The following MBOAT1 variants were observed in gnomAD, a reference collection of about 807,000 sequenced individuals.
MBOAT1 encodes membrane-bound glycerophospholipid O-acyltransferase 1.
In MBOAT1, 67 loss-of-function variants were observed where a neutral mutation model predicts 64.4. The ratio of observed to expected loss-of-function variants is 1.04; its 90% confidence interval spans 0.85 to 1.27. The LOEUF (loss-of-function observed/expected upper bound fraction) is 1.27. MBOAT1 is among the 50% of genes most tolerant of loss of function. The pLI, the probability that MBOAT1 is intolerant of heterozygous loss-of-function variation, is 0.00. For synonymous variants in MBOAT1, 229 were observed against 218.9 expected (o/e 1.05, Z -0.41); for missense variants, 563 against 604.6 (o/e 0.93, Z 0.72).
intron 12 of MBOAT1, 113 bp from the exon 13 acceptor site, chr6:20,102,525 G>A: frequency 1.2e-6 from 1 of 836,030 alleles, no homozygotes; most frequent in East Asian, 2.8e-5. Context: ...TTGGCAGTAG[G>A]AGGCCTGTCT....
chr6:20,113,150 C>A, intron 10 of MBOAT1, 142 bp from the exon 11 acceptor site: 1 of 983,204 alleles, frequency 1.0e-6, no homozygotes, highest in Non-Finnish European at 1.4e-6. Context: ...CGGGGACTTG[C>A]AGTGCAATCC....
intron 1 of MBOAT1, among the ~76,000 whole-genome samples, chr6:20,194,197 A>G (rs1014595496): frequency 5.9e-5 from 9 of 152,234 alleles, no homozygotes; most frequent in Admixed American, 2.0e-4. Flanking sequence ...AATTATTAGA[A>G]TAACACAGAG....
chr6:20,152,956 C>T (rs1168235377), intron 1 of MBOAT1, among the ~76,000 whole-genome samples, 187 bp from the exon 2 acceptor site: 1 of 152,148 alleles, frequency 6.6e-6, no homozygotes, highest in Non-Finnish European at 1.5e-5. Context: ...CCTCAGCCTC[C>T]GAAGTAGCTG....
At chr6:20,109,782 G>A in intron 11 of MBOAT1, 33 bp from the exon 12 acceptor site, 1 of 1,595,716 alleles carries the variant, frequency 6.3e-7, no homozygotes, top group Admixed American at 1.7e-5. Context: ...GTAGTGAGGA[G>A]GGGGTGAAAA....
At chr6:20,159,845 C>T (rs753249905) in intron 1 of MBOAT1, among the ~76,000 whole-genome samples, 1 of 152,170 alleles carries the variant, frequency 6.6e-6, no homozygotes, top group Non-Finnish European at 1.5e-5. Context: ...AAACCCTTCA[C>T]ATTTAAAAGG....
At chr6:20,144,459 C>T (rs1221804021) in intron 3 of MBOAT1, 144 bp from the exon 4 acceptor site, 7 of 598,070 alleles carry the variant, frequency 1.2e-5, no homozygotes, top group Non-Finnish European at 2.1e-5. Context: ...GGCCACCTTT[C>T]CACCCACTAC....
chr6:20,145,597 C>A (rs950319565), intron 3 of MBOAT1, among the ~76,000 whole-genome samples: 2 of 152,184 alleles, frequency 1.3e-5, no homozygotes, highest in Non-Finnish European at 2.9e-5. Context: ...AAATTGCAAC[C>A]CCTGAACACA....
rs950280337 is a variant in MBOAT1 at position 20,101,492 on chromosome 6, T to C, written c.*794A>G. Among the ~76,000 whole-genome samples the C allele has an allele frequency of 2.0e-5, 3 of 152,212 alleles. No homozygotes were observed. The highest frequency in any genetic ancestry group is 7.2e-5 in the African/African-American group (3 of 41,464). ...CTCCATGGTCCTCTGAGTGTAGTTA[T>C]TATGTCTGCAAACCAGTAATGTCAC... On this transcript the variant is annotated 3_prime_UTR_variant, in exon 13 of 13. Transcript: ENST00000324607.
chr6:20,148,704 CAG>C (rs1761400726), intron 3 of MBOAT1, among the ~76,000 whole-genome samples: 1 of 152,154 alleles, frequency 6.6e-6, no homozygotes, highest in East Asian at 1.9e-4. Context: ...TTTCCATAAA[CAG>C]GAAACAACGT....
intron 7 of MBOAT1, 42 bp from the exon 8 acceptor site, chr6:20,124,642 A>C: frequency 1.3e-6 from 2 of 1,589,894 alleles, no homozygotes; most frequent in African/African-American, 1.3e-5. Context: ...CAGAAGGCTC[A>C]GGTATGAAGA....
At chr6:20,182,505 G>A (rs1762539098) in intron 1 of MBOAT1, among the ~76,000 whole-genome samples, 1 of 152,076 alleles carries the variant, frequency 6.6e-6, no homozygotes, top group Non-Finnish European at 1.5e-5. Context: ...TCTCATTTCT[G>A]GAATATTGGG....
In MBOAT1 at chr6:20,099,759, T is replaced by C. The variant is rs940486729; in HGVS notation, c.*2527A>G. Among the ~76,000 whole-genome samples, 2 of 152,050 alleles carry C rather than the reference T, an allele frequency of 1.3e-5. No homozygotes were observed. The highest frequency in any genetic ancestry group is 2.4e-5 in the African/African-American group (1 of 41,402). On this transcript the variant is annotated 3_prime_UTR_variant, in exon 13 of 13. Coordinates refer to ENST00000324607, the MANE Select transcript of MBOAT1 (RefSeq NM_001080480.3). ...AACTGAAAGCTCACATTCCAATAAGTATTTATGAACTGCATCTTATATTTA... is the reference window on the plus strand; with the variant it reads ...AACTGAAAGCTCACATTCCAATAAGCATTTATGAACTGCATCTTATATTTA...
chr6:20,162,604 T>C (rs1379046830), intron 1 of MBOAT1, among the ~76,000 whole-genome samples: 2 of 152,358 alleles, frequency 1.3e-5, no homozygotes, highest in East Asian at 3.9e-4. Flanking sequence ...TTATTCTGCA[T>C]GCTTCACATC....
intron 4 of MBOAT1, 56 bp downstream of exon 4, chr6:20,144,164 A>T: frequency 3.4e-6 from 4 of 1,190,250 alleles, no homozygotes; most frequent in Non-Finnish European, 4.9e-6. Flanking sequence ...TACAGACCCC[A>T]AGAGACCAAG....
chr6:20,111,885 TATATATATTCCAGCAC>T (rs1760181048), intron 11 of MBOAT1, among the ~76,000 whole-genome samples: 2 of 141,002 alleles, frequency 1.4e-5, no homozygotes, highest in African/African-American at 5.4e-5. Flanking sequence ...TATATGTATA[TATATATATTCCAGCAC>T]ACCTGTGTCT....
chr6:20,115,870 T>G (rs1035911726), intron 9 of MBOAT1, among the ~76,000 whole-genome samples: 1 of 152,104 alleles, frequency 6.6e-6, no homozygotes, highest in Admixed American at 6.5e-5. Flanking sequence ...GTAAGAGATT[T>G]TATGCATGAA....
rs1759822618 is a variant in MBOAT1, at chr6:20,102,276, C to T, written c.*10G>A. ...CTGCAGTTTTGCTTGTTCCGCTTCTCTTGGAGGTATCAATCTGTTTTTCTC... is the reference window on the plus strand; with the variant it reads ...CTGCAGTTTTGCTTGTTCCGCTTCTTTTGGAGGTATCAATCTGTTTTTCTC... On this transcript the variant is annotated 3_prime_UTR_variant, in exon 13 of 13. Transcript: ENST00000324607. The T allele has an allele frequency of 6.2e-7, 1 of 1,612,470 alleles. No individual in the cohort carries two copies. Among genetic ancestry groups the T allele is most frequent in the African/African-American group, 1.3e-5 (1 of 74,826 alleles).
At chr6:20,108,186 A>C (rs1434481452) in intron 12 of MBOAT1, among the ~76,000 whole-genome samples, 1 of 152,148 alleles carries the variant, frequency 6.6e-6, no homozygotes, top group African/African-American at 2.4e-5. Context: ...AATTCAATAA[A>C]ATTGAAAATT....
intron 1 of MBOAT1, among the ~76,000 whole-genome samples, chr6:20,169,784 T>C (rs1762137193): frequency 6.6e-6 from 1 of 152,186 alleles, no homozygotes; most frequent in Non-Finnish European, 1.5e-5. Flanking sequence ...CTCTTGATAA[T>C]TATAGGAGGA....
Sources: allele counts gnomAD v4.1 joint callset (sites outside exome capture counted in the v4.1 genomes callset), GRCh38; gene constraint gnomAD v4.1.1; transcripts MANE v1.5; gene names NCBI Gene and HGNC (gene_info 2026-07-23, HGNC 2026-07-21).